Variants in MCM9 observed in about 807,000 individuals in gnomAD.
The protein encoded by MCM9 is DNA helicase MCM9.
MCM9 carries 55 observed loss-of-function variants against 72.8 expected under a neutral mutation model. The ratio of observed to expected loss-of-function variants is 0.76; its 90% CI spans 0.61 to 0.95. The LOEUF (loss-of-function observed/expected upper bound fraction) is 0.95. Among genes scored for constraint, MCM9 ranks in the 40% least tolerant of loss-of-function variants. The pLI is 0.00. For synonymous variants in MCM9, 480 were observed against 503.4 expected (o/e 0.95, Z 0.62); for missense variants, 1,279 against 1,377.0 (o/e 0.93, Z 1.13).
intron 9 of MCM9, among the ~76,000 whole-genome samples, chr6:118,834,766 T>C (rs1774838808): frequency 6.6e-6 from 1 of 152,184 alleles, no homozygotes; most frequent in Admixed American, 6.5e-5. Flanking sequence ...CTTTGGCAGA[T>C]GGACAGATTG....
intron 7 of MCM9, chr6:118,913,055 G>T: frequency 2.2e-6 from 1 of 451,448 alleles, no homozygotes; most frequent in Non-Finnish European, 3.9e-6. Context: ...CATCCTTATA[G>T]GCTATAGCAA....
intron 8 of MCM9, among the ~76,000 whole-genome samples, chr6:118,898,104 A>G (rs1779557842): frequency 6.6e-6 from 1 of 152,208 alleles, no homozygotes; most frequent in Admixed American, 6.5e-5. Flanking sequence ...TTGTAGTTAC[A>G]GAGGCATAGC....
chr6:118,894,141 G>A, intron 8 of MCM9: 2 of 1,226,948 alleles, frequency 1.6e-6, no homozygotes, highest in Non-Finnish European at 2.0e-6. Context: ...CCTCGCTGGA[G>A]GAGGAGGGTC....
At chr6:118,829,359 C>T (rs1774379567) in intron 9 of MCM9, 109 bp from the exon 10 acceptor site, 2 of 966,116 alleles carry the variant, frequency 2.1e-6, no homozygotes, top group African/African-American at 3.3e-5. Flanking sequence ...TCTACGAACT[C>T]CTATGAAAGA....
chr6:118,869,644 A>G (rs1305066117), intron 8 of MCM9, among the ~76,000 whole-genome samples: 4 of 148,432 alleles, frequency 2.7e-5, no homozygotes, highest in Non-Finnish European at 4.5e-5. Context: ...AAATGGCACT[A>G]GGAAGTCCTT....
chr6:118,873,853 T>C (rs143516789), intron 8 of MCM9, among the ~76,000 whole-genome samples: 1 of 152,310 alleles, frequency 6.6e-6, no homozygotes, highest in African/African-American at 2.4e-5. Flanking sequence ...TTCATGAACA[T>C]AGATGCCAGT....
At chr6:118,842,437 ACT>A (rs1163469097) in intron 9 of MCM9, among the ~76,000 whole-genome samples, 13 of 152,156 alleles carry the variant, frequency 8.5e-5, no homozygotes, top group Non-Finnish European at 1.9e-4. Flanking sequence ...ATGACTACAC[ACT>A]GTCATGTGGC....
At chr6:118,927,343 C>T (rs1046733968) in intron 3 of MCM9, among the ~76,000 whole-genome samples, 1 of 152,114 alleles carries the variant, frequency 6.6e-6, no homozygotes, top group African/African-American at 2.4e-5. Flanking sequence ...GTGGCTCATG[C>T]CTGTAATCCC....
chr6:118,925,748 C>G (rs936349084), intron 3 of MCM9, among the ~76,000 whole-genome samples: 1 of 152,176 alleles, frequency 6.6e-6, no homozygotes, highest in East Asian at 1.9e-4. Context: ...GGGAGACACA[C>G]TTTTCGTTCA....
chr6:118,834,558 T>C (rs1774818851), intron 9 of MCM9, among the ~76,000 whole-genome samples: 3 of 152,208 alleles, frequency 2.0e-5, no homozygotes, highest in Admixed American at 2.0e-4. Context: ...TTCTAAATGG[T>C]GTGACATAGT....
intron 8 of MCM9, chr6:118,901,012 G>A: frequency 3.1e-6 from 2 of 652,748 alleles, no homozygotes; most frequent in South Asian, 2.0e-5. Context: ...CTTTAAATCT[G>A]TTTCCATCAT....
intron 9 of MCM9, among the ~76,000 whole-genome samples, chr6:118,841,750 T>C (rs1340619924): frequency 1.3e-5 from 2 of 152,040 alleles, no homozygotes; most frequent in Non-Finnish European, 1.5e-5. Context: ...TTTTCGTCTT[T>C]AAGGTGCCAG....
At position 118,845,990 on chromosome 6, in the gene MCM9, T is replaced by A. The variant is rs189640366; in HGVS notation, c.1325+10381A>T. On this transcript the variant is annotated intron_variant, in intron 9 of 13. Coordinates refer to ENST00000619706, the MANE Select transcript of MCM9 (RefSeq NM_017696.3). Reference sequence around the variant, plus strand: ...TCTATATTTGAGCTCTTCAAAATAATTGTAGACAACCACTTCTCCAATTAC... The same window carrying A: ...TCTATATTTGAGCTCTTCAAAATAAATGTAGACAACCACTTCTCCAATTAC... Among the ~76,000 whole-genome samples, 358 of 151,864 alleles carry A rather than the reference T, an allele frequency of 2.4e-3. 10 individuals are homozygous for A. The highest frequency in any genetic ancestry group is 7.6e-3 in the African/African-American group (314 of 41,118).
At chr6:118,925,609 C>T (rs1781829952) in intron 3 of MCM9, among the ~76,000 whole-genome samples, 1 of 152,184 alleles carries the variant, frequency 6.6e-6, no homozygotes, top group South Asian at 2.1e-4. Flanking sequence ...TATAGACAAA[C>T]AAGGTGGCCA....
At chr6:118,875,898 TG>T (rs1174648351) in intron 8 of MCM9, among the ~76,000 whole-genome samples, 2 of 152,188 alleles carry the variant, frequency 1.3e-5, no homozygotes, top group Admixed American at 1.3e-4. Flanking sequence ...CATAAGGCAC[TG>T]GAAAGTTATA....
At position 118,851,434 on chromosome 6, in the gene MCM9, G is replaced by T. The variant is rs1401560605; in HGVS notation, c.1325+4937C>A. 2.0e-5 allele frequency among the ~76,000 whole-genome samples: 3 copies of T among 151,762 alleles called. 1 individual carries two copies. Among genetic ancestry groups the T allele is most frequent in the Non-Finnish European group, 4.4e-5 (3 of 68,032 alleles). ...TGAATAGAGTTATCATAATTACATG[G>T]TTATGTAATATTTAGGAACTAAATA... On this transcript the variant is annotated intron_variant, in intron 9 of 13. Transcript: ENST00000619706.
intron 8 of MCM9, among the ~76,000 whole-genome samples, chr6:118,907,144 TA>T (rs1301590690): frequency 6.6e-6 from 1 of 152,206 alleles, no homozygotes; most frequent in Non-Finnish European, 1.5e-5. Context: ...GTATAGGAGT[TA>T]AATAGTTAAA....
intron 8 of MCM9, chr6:118,911,223 A>T: frequency 3.0e-6 from 3 of 986,446 alleles, no homozygotes; most frequent in Non-Finnish European, 3.6e-6. Context: ...TTCCCTACCT[A>T]AGAAATTTCA....
chr6:118,881,487 T>C (rs1488226335), intron 8 of MCM9, among the ~76,000 whole-genome samples: 4 of 152,216 alleles, frequency 2.6e-5, no homozygotes, highest in Non-Finnish European at 5.9e-5. Context: ...ATTGTATAAG[T>C]ATTACATTTT....
Sources: gnomAD v4.1 joint callset for allele counts (sites outside exome capture counted in the v4.1 genomes callset) on GRCh38, gnomAD v4.1.1 for gene constraint, MANE v1.5 for transcripts, NCBI Gene and HGNC (gene_info 2026-07-23, HGNC 2026-07-21) for gene names.